DLG2: variants seen among roughly 807,000 people sequenced by gnomAD.
DLG2 encodes disks large homolog 2.
In DLG2, 45 loss-of-function variants were observed where a neutral mutation model predicts 132.5. The observed-to-expected ratio is 0.34, with a 90% CI of 0.27 to 0.44. The LOEUF is 0.44. Among genes scored for constraint, DLG2 ranks in the 20% least tolerant of loss-of-function variants. The pLI is 1.00. For synonymous variants in DLG2, 424 were observed against 419.6 expected, an observed-to-expected ratio of 1.01 and a Z score of -0.13; for missense variants, 1,045 against 1,196.9, an observed-to-expected ratio of 0.87 and a Z score of 1.87.
intron 7 of DLG2, among the ~76,000 whole-genome samples, chr11:84,469,350 T>A (rs747196820): frequency 4.0e-5 from 6 of 151,542 alleles, no homozygotes; most frequent in Non-Finnish European, 8.9e-5. Context: ...AAACAATCTA[T>A]ACCTATCCAT....
At chr11:84,217,604 A>C (rs537668521) in intron 8 of DLG2, among the ~76,000 whole-genome samples, 1 of 152,336 alleles carries the variant, frequency 6.6e-6, no homozygotes, top group Admixed American at 6.5e-5. Context: ...TATTATCTCA[A>C]AAACAAAAAT....
chr11:83,932,523 C>T (rs1332042808), intron 14 of DLG2, among the ~76,000 whole-genome samples: 2 of 152,130 alleles, frequency 1.3e-5, no homozygotes, highest in African/African-American at 2.4e-5. Context: ...CGTGAGCCAC[C>T]GCGCCCGGCA....
intron 18 of DLG2, among the ~76,000 whole-genome samples, chr11:83,665,218 G>A (rs1204013744): frequency 6.6e-6 from 1 of 152,124 alleles, no homozygotes; most frequent in African/African-American, 2.4e-5. Flanking sequence ...ATAGAACTGG[G>A]GTGTGAGGGG....
intron 3 of DLG2, among the ~76,000 whole-genome samples, chr11:85,322,494 T>C (rs2081143121): frequency 6.6e-6 from 1 of 152,138 alleles, no homozygotes; most frequent in Non-Finnish European, 1.5e-5. Flanking sequence ...CAACCTCAGA[T>C]TAGTGACTAA....
chr11:85,180,320 C>T (rs1016432683), intron 4 of DLG2, among the ~76,000 whole-genome samples: 2 of 151,742 alleles, frequency 1.3e-5, no homozygotes, highest in African/African-American at 4.8e-5. Context: ...GTATTTTCTA[C>T]AGTGCATAAC....
intron 8 of DLG2, among the ~76,000 whole-genome samples, chr11:84,196,529 A>G (rs2096520695): frequency 1.3e-5 from 2 of 152,228 alleles, no homozygotes; most frequent in African/African-American, 4.8e-5. Flanking sequence ...GATGCAGGGT[A>G]TTATTTCCTA....
chr11:85,586,579 C>T (rs2078985233), intron 3 of DLG2, among the ~76,000 whole-genome samples: 2 of 152,118 alleles, frequency 1.3e-5, no homozygotes, highest in Non-Finnish European at 2.9e-5. Context: ...TAATTGAGCT[C>T]ATTTGGATCT....
chr11:84,791,189 C>T (rs2073795536), intron 6 of DLG2, among the ~76,000 whole-genome samples: 2 of 152,122 alleles, frequency 1.3e-5, no homozygotes, highest in Admixed American at 6.5e-5. Flanking sequence ...ATGGGGAAAA[C>T]TGCCCCCATA....
intron 7 of DLG2, among the ~76,000 whole-genome samples, chr11:84,361,885 C>A (rs923682068): frequency 1.3e-5 from 2 of 151,538 alleles, no homozygotes; most frequent in African/African-American, 2.4e-5. Context: ...CCTAGTGAAA[C>A]CACATAAAAT....
chr11:84,138,499 C>A (rs1243624187), intron 9 of DLG2, among the ~76,000 whole-genome samples: 2 of 152,122 alleles, frequency 1.3e-5, no homozygotes, highest in African/African-American at 4.8e-5. Context: ...TGAAGACAGC[C>A]CGTCCCTAAA....
intron 6 of DLG2, among the ~76,000 whole-genome samples, chr11:84,836,932 C>T (rs1045267033): frequency 6.6e-5 from 10 of 151,818 alleles, no homozygotes; most frequent in African/African-American, 1.4e-4. Context: ...CAGATGTATA[C>T]ATGTGCCATG....
intron 5 of DLG2, among the ~76,000 whole-genome samples, chr11:85,147,014 C>G (rs2152442705): frequency 6.6e-6 from 1 of 152,278 alleles, no homozygotes; most frequent in South Asian, 2.1e-4. Context: ...GAATTGAGTT[C>G]CAATGCAATG....
chr11:83,721,211 C>G (rs1012631756), intron 18 of DLG2, among the ~76,000 whole-genome samples: 3 of 152,082 alleles, frequency 2.0e-5, no homozygotes, highest in African/African-American at 7.2e-5. Flanking sequence ...GACTGCAAAC[C>G]AGATCAGTGT....
chr11:84,548,867 G>A (rs762472280), intron 6 of DLG2, among the ~76,000 whole-genome samples: 1 of 152,166 alleles, frequency 6.6e-6, no homozygotes, highest in Non-Finnish European at 1.5e-5. Context: ...GCAAGGCAGG[G>A]AAGAGGTCTG....
intron 4 of DLG2, among the ~76,000 whole-genome samples, chr11:85,219,954 G>A (rs955982551): frequency 1.5e-4 from 23 of 151,690 alleles, no homozygotes; most frequent in African/African-American, 3.1e-4. Flanking sequence ...TTATGAAACC[G>A]AAACTTCCCA....
intron 6 of DLG2, among the ~76,000 whole-genome samples, chr11:85,063,181 T>G (rs1423925365): frequency 1.3e-5 from 2 of 151,828 alleles, no homozygotes; most frequent in Non-Finnish European, 2.9e-5. Context: ...GAAGTTGCCT[T>G]GACCAAAATT....
intron 6 of DLG2, among the ~76,000 whole-genome samples, chr11:85,082,000 T>G (rs1229945478): frequency 1.3e-5 from 2 of 152,150 alleles, no homozygotes; most frequent in Non-Finnish European, 2.9e-5. Flanking sequence ...TATACACTTG[T>G]GTTTCATCAT....
intron 3 of DLG2, among the ~76,000 whole-genome samples, chr11:85,367,864 C>T (rs1356644692): frequency 6.6e-6 from 1 of 152,086 alleles, no homozygotes; most frequent in Admixed American, 6.6e-5. Flanking sequence ...ATTTCCATTG[C>T]ATTTATAGAA....
At chr11:83,864,748 CAGA>C (rs2062006840) in intron 16 of DLG2, among the ~76,000 whole-genome samples, 2 of 151,748 alleles carry the variant, frequency 1.3e-5, no homozygotes, top group African/African-American at 2.4e-5. Flanking sequence ...TATAATTGGT[CAGA>C]AGAAGGAAGT....
Sources: gnomAD v4.1 joint callset for allele counts (sites outside exome capture counted in the v4.1 genomes callset) on GRCh38, gnomAD v4.1.1 for gene constraint, MANE v1.5 for transcripts, NCBI Gene and HGNC (gene_info 2026-07-23, HGNC 2026-07-21) for gene names.